Variants in CCDC60 observed in about 807,000 individuals in gnomAD.
CCDC60 encodes the protein coiled-coil domain-containing protein 60.
A neutral mutation model predicts 63.5 loss-of-function variants in CCDC60; 54 were observed. The ratio of observed to expected loss-of-function variants is 0.85; its 90% CI spans 0.68 to 1.07. The LOEUF (loss-of-function observed/expected upper bound fraction) is 1.07. Among genes scored for constraint, CCDC60 ranks in the 50% least tolerant of loss-of-function variants. CCDC60 has a pLI of 0.00. For missense variants in CCDC60, 651 were observed against 684.3 expected, an observed-to-expected ratio of 0.95 and a Z score of 0.54; for synonymous variants, 206 against 238.8, an observed-to-expected ratio of 0.86 and a Z score of 1.27.
chr12:119,468,102 G>A (rs57005683), intron 2 of CCDC60, among the ~76,000 whole-genome samples: 2,031 of 151,820 alleles, frequency 0.013, 39 homozygotes, highest in African/African-American at 0.046. Flanking sequence ...GTGAAACCTC[G>A]TCTCTACTAA....
chr12:119,410,122 A>T lies in CCDC60; in HGVS notation c.91-18561A>T, dbSNP rs1956566934. Among the ~76,000 whole-genome samples, 1 of 152,094 alleles carries T rather than the reference A, an allele frequency of 6.6e-6. No homozygotes were observed. Among genetic ancestry groups the T allele is most frequent in the Non-Finnish European group, 1.5e-5 (1 of 68,020 alleles). On this transcript the variant is annotated intron_variant, in intron 1 of 13. Coordinates refer to ENST00000327554, the MANE Select transcript of CCDC60 (RefSeq NM_178499.5). This position sits in a 1 kb window ranked among gnomAD's most constrained non-coding sequence, Gnocchi z 4.0. ...ATACATTGTTATGTCAGGGGAAATC[A>T]GGACACAAACAGTGCTACCATGTGT...
chr12:119,372,387 G>A (rs1158840979), intron 1 of CCDC60, among the ~76,000 whole-genome samples: 2 of 152,168 alleles, frequency 1.3e-5, no homozygotes, highest in Non-Finnish European at 2.9e-5. Flanking sequence ...CTGCAAAACT[G>A]GGGCATAATG....
chr12:119,416,475 C>T (rs1593055445), intron 1 of CCDC60, among the ~76,000 whole-genome samples: 1 of 152,146 alleles, frequency 6.6e-6, no homozygotes, highest in East Asian at 1.9e-4. Context: ...TATCCAGCTA[C>T]ATTCAAAATG....
chr12:119,348,037 T>A (rs1389838998), intron 1 of CCDC60, among the ~76,000 whole-genome samples: 1 of 152,244 alleles, frequency 6.6e-6, no homozygotes, highest in East Asian at 1.9e-4. Context: ...GTTTCACTTC[T>A]AAGAGCCCTT....
intron 3 of CCDC60, among the ~76,000 whole-genome samples, chr12:119,477,871 T>A (rs1951210260): frequency 6.6e-6 from 1 of 151,818 alleles, no homozygotes; most frequent in South Asian, 2.1e-4. Context: ...CTCCCAATTT[T>A]AAAATACAGA....
chr12:119,366,476 T>A lies in CCDC60; in HGVS notation c.90+31210T>A, dbSNP rs905911250. ...CTTTGCTCTCTCCTGAATCCACACT[T>A]CTCCTGAAGGAGGAGCAAGGTGGAG... On this transcript the variant is annotated intron_variant, in intron 1 of 13. Coordinates refer to ENST00000327554, the MANE Select transcript of CCDC60 (RefSeq NM_178499.5). 6.6e-5 allele frequency among the ~76,000 whole-genome samples: 10 copies of A among 152,170 alleles called. No individual in the cohort carries two copies. The East Asian group carries it at 1.9e-3, about 29-fold the overall frequency.
chr12:119,516,087 G>A (rs1952345370), intron 7 of CCDC60, among the ~76,000 whole-genome samples: 2 of 152,010 alleles, frequency 1.3e-5, no homozygotes, highest in Admixed American at 1.3e-4. Context: ...ATTTATTTAT[G>A]TTTTATTTTT....
intron 13 of CCDC60, among the ~76,000 whole-genome samples, chr12:119,532,758 T>C (rs554659803): frequency 6.6e-6 from 1 of 152,344 alleles, no homozygotes; most frequent in African/African-American, 2.4e-5. Context: ...CATCCTTTTT[T>C]ATGGCTGCAT....
chr12:119,463,225 A>G (rs1459392475), intron 2 of CCDC60, among the ~76,000 whole-genome samples: 2 of 152,218 alleles, frequency 1.3e-5, no homozygotes, highest in Non-Finnish European at 2.9e-5. Context: ...TCTGGACAAC[A>G]GCAAATCCCT....
chr12:119,539,221 C>T (rs1953090111), intron 13 of CCDC60, among the ~76,000 whole-genome samples: 2 of 152,230 alleles, frequency 1.3e-5, no homozygotes, highest in African/African-American at 4.8e-5. Context: ...GAGCGCTGTG[C>T]TGGGAGATCC....
chr12:119,503,589 T>C (rs930123196), intron 6 of CCDC60, among the ~76,000 whole-genome samples: 2 of 152,198 alleles, frequency 1.3e-5, no homozygotes, highest in Non-Finnish European at 2.9e-5. Context: ...TTGAGAGAGA[T>C]GAGGCAGGCA....
chr12:119,531,463 T>G (rs192752020), intron 13 of CCDC60, among the ~76,000 whole-genome samples: 142 of 152,300 alleles, frequency 9.3e-4, no homozygotes, highest in African/African-American at 3.2e-3. Context: ...AGGTGTCTTG[T>G]ATGCACAATA....
intron 13 of CCDC60, among the ~76,000 whole-genome samples, chr12:119,537,229 G>A (rs376580514): frequency 6.6e-6 from 1 of 152,038 alleles, no homozygotes. Flanking sequence ...AATTCTTCAC[G>A]TAGTTCTTGT....
intron 1 of CCDC60, among the ~76,000 whole-genome samples, chr12:119,357,138 G>A (rs915901950): frequency 2.0e-5 from 3 of 152,168 alleles, no homozygotes; most frequent in African/African-American, 7.2e-5. Context: ...TTGTAAATAT[G>A]TTGATGGGTA....
chr12:119,349,333 G>T (rs1434658233), intron 1 of CCDC60, among the ~76,000 whole-genome samples: 16 of 140,580 alleles, frequency 1.1e-4, no homozygotes, highest in African/African-American at 3.4e-4. Flanking sequence ...TCCAGGGCGT[G>T]TTCCTTTTTT....
intron 1 of CCDC60, among the ~76,000 whole-genome samples, chr12:119,341,678 T>C (rs1196182970): frequency 6.6e-6 from 1 of 152,202 alleles, no homozygotes; most frequent in Non-Finnish European, 1.5e-5. Flanking sequence ...CATGACTGTT[T>C]TGAAGATATG....
At chr12:119,394,903 A>G (rs928513156) in intron 1 of CCDC60, among the ~76,000 whole-genome samples, 1 of 152,210 alleles carries the variant, frequency 6.6e-6, no homozygotes, top group Admixed American at 6.5e-5. Context: ...CTTGATCAAT[A>G]TGCTCTGGAA....
chr12:119,335,257 C>A lies in CCDC60; in HGVS notation c.81C>A (p.Asn27Lys). ...TCCGGCCCTTTTATGCCTCGGAGAACCTAAGGCAGGTAAGTCTCCCCTCTG... is the reference window on the plus strand; with the variant it reads ...TCCGGCCCTTTTATGCCTCGGAGAAACTAAGGCAGGTAAGTCTCCCCTCTG... ...GAVRPFYASE[N>K]LRQVPDKPMK... The change falls in exon 1 of 14, where the codon AAC becomes AAA. Residue 27 changes from asparagine (N) to lysine (K), a missense_variant. Transcript: ENST00000327554. 4 of 1,597,894 alleles carry A rather than the reference C, an allele frequency of 2.5e-6. No individual in the cohort carries two copies. Among genetic ancestry groups the A allele is most frequent in the Non-Finnish European group, 1.7e-6 (2 of 1,172,632 alleles).
chr12:119,529,919 C>T (rs575819908), intron 12 of CCDC60, among the ~76,000 whole-genome samples: 16 of 152,174 alleles, frequency 1.1e-4, no homozygotes, highest in African/African-American at 3.9e-4. Flanking sequence ...AAGTAATTGC[C>T]CTCCATAGTA....
Sources: allele counts gnomAD v4.1 joint callset (sites outside exome capture counted in the v4.1 genomes callset), GRCh38; gene constraint gnomAD v4.1.1; non-coding constraint Gnocchi (gnomAD v3.1); transcripts MANE v1.5; gene names NCBI Gene and HGNC (gene_info 2026-07-23, HGNC 2026-07-21).